Variants in ZNF511 observed in about 807,000 individuals in gnomAD.
ZNF511 encodes zinc finger protein 511.
Under a neutral mutation model 24.8 loss-of-function variants are expected in ZNF511, and 26 were observed. The ratio of observed to expected loss-of-function variants is 1.05; its 90% confidence interval spans 0.77 to 1.46. The LOEUF (loss-of-function observed/expected upper bound fraction) is 1.46. ZNF511 is among the 40% of genes most tolerant of loss of function. ZNF511 has a pLI of 0.00. For synonymous variants in ZNF511, 144 were observed against 139.6 expected, an observed-to-expected ratio of 1.03 and a Z score of -0.22; for missense variants, 358 against 345.0, an observed-to-expected ratio of 1.04 and a Z score of -0.30.
intron 4 of ZNF511, 67 bp downstream of exon 4, chr10:133,310,355 A>C: frequency 6.3e-7 from 1 of 1,598,474 alleles, no homozygotes; most frequent in East Asian, 2.2e-5. Context: ...AACTAGCCGG[A>C]ATGCATAGAC....
Position 133,309,846 on chromosome 10 carries a change from C to T in ZNF511, c.298C>T (p.His100Tyr), listed in dbSNP as rs368516549. The change falls in exon 3 of 6, where the codon CAC becomes TAC. Residue 100 changes from histidine to tyrosine, a missense_variant. Physicochemically the swap from His to Tyr is moderately conservative, Grantham distance 83. Coordinates refer to ENST00000361518, the MANE Select transcript of ZNF511 (RefSeq NM_145806.4). ...VFDALDDYEH[H>Y]YHTLHGNVCS... ...CGATGCCCTGGACGACTACGAGCAC[C>T]ACTACCACACGCTGCACGGAAATGT... is the stretch of plus-strand genomic sequence containing the variant. 6.2e-7 allele frequency: 1 copy of T among 1,613,658 alleles called. No homozygotes were observed. Among genetic ancestry groups the T allele is most frequent in the Non-Finnish European group, 8.5e-7 (1 of 1,180,026 alleles).
chr10:133,309,275 G>C (rs1847926919), intron 1 of ZNF511, 115 bp from the exon 2 acceptor site: 7 of 1,391,044 alleles, frequency 5.0e-6, no homozygotes, highest in South Asian at 1.4e-5. Flanking sequence ...GGGGCCTGAG[G>C]CTGTGGGGCG....
In ZNF511 at chr10:133,310,851, G is replaced by GA. The variant is rs139587303; in HGVS notation, c.554+564dup. Reference sequence around the variant, plus strand: ...GGGTCTTGCTCTGACACCCAGGCTGGAGTGTAGTGGTGTGATGTAGGTTCA... The same window carrying GA: ...GGGTCTTGCTCTGACACCCAGGCTGGAAGTGTAGTGGTGTGATGTAGGTTCA... On this transcript the variant is annotated intron_variant, in intron 4 of 5. Transcript: ENST00000361518. Among the ~76,000 whole-genome samples the GA allele has an allele frequency of 6.1e-3, 922 of 152,184 alleles. 10 individuals are homozygous for GA. The highest frequency in any genetic ancestry group is 0.021 in the African/African-American group (884 of 41,502).
Position 133,309,385 on chromosome 10 carries a change from T to G in ZNF511, c.154-5T>G. 1 of 1,610,822 alleles carries G rather than the reference T, an allele frequency of 6.2e-7. No homozygotes were observed. Among genetic ancestry groups the G allele is most frequent in the Non-Finnish European group, 8.5e-7 (1 of 1,179,214 alleles). Reference sequence around the variant, plus strand: ...GGCCCCGCCCACGGCGCACTTTTCCTGCAGGATGGGGACGTGCAGCGCCAC... The same window carrying G: ...GGCCCCGCCCACGGCGCACTTTTCCGGCAGGATGGGGACGTGCAGCGCCAC... On this transcript the variant is annotated splice_polypyrimidine_tract_variant and splice_region_variant and intron_variant, in intron 1 of 5. Transcript: ENST00000361518.
intron 4 of ZNF511, chr10:133,310,597 C>T (rs758340569): frequency 1.2e-4 from 47 of 390,454 alleles, no homozygotes; most frequent in South Asian, 2.5e-5. Flanking sequence ...ATGCCTGTAC[C>T]TCCTGCAGCA....
At position 133,310,177 on chromosome 10, in the gene ZNF511, T is replaced by C. The variant is rs369149265; in HGVS notation, c.443T>C (p.Val148Ala). The C allele has an allele frequency of 3.8e-5, 61 of 1,613,732 alleles. No individual in the cohort carries two copies. The highest frequency in any genetic ancestry group is 4.7e-5 in the Non-Finnish European group (56 of 1,180,010). ...TCTCCATTTCAGTATCAGTGCTTGG[T>C]AGAAGGCTGCACAGAGAAGTTCAAG... ...SERQDMYQCLVEGCTEKFKTS... is the reference protein window; with the variant it reads ...SERQDMYQCLAEGCTEKFKTS... Residue 148 changes from valine to alanine, a missense_variant, in exon 4 of 6, where the codon GTA (valine) becomes GCA (alanine). Val to Ala is a moderately conservative substitution (Grantham distance 64, BLOSUM62 0). Transcript: ENST00000361518.
Position 133,311,808 on chromosome 10 carries a change from C to T in ZNF511, c.647C>T (p.Ala216Val). ...TCTGAGCCTGTGGCAGCCTCCCCTG[C>T]ACCGGCAGGTGAGAGGCGGATCTAC... ...ICSEPVAASP[A>V]PAGERRIYRH... The change falls in exon 5 of 6, where the codon GCA (alanine) becomes GTA (valine). Residue 216 changes from alanine (A) to valine (V), a missense_variant. Ala to Val is a moderately conservative substitution (Grantham distance 64, BLOSUM62 0). Transcript: ENST00000361518. 1 of 1,613,364 alleles carries T rather than the reference C, an allele frequency of 6.2e-7. No homozygotes were observed. The highest frequency in any genetic ancestry group is 8.5e-7 in the Non-Finnish European group (1 of 1,180,044).
At chr10:133,311,285 T>G (rs1034033723) in intron 4 of ZNF511, among the ~76,000 whole-genome samples, 1 of 152,198 alleles carries the variant, frequency 6.6e-6, no homozygotes, top group African/African-American at 2.4e-5. Flanking sequence ...TACAAAGACT[T>G]ACGTGTAAAG....
Position 133,310,291 on chromosome 10 carries a change from A to G in ZNF511, c.554+3A>G. On this transcript the variant is annotated splice_donor_region_variant and intron_variant, in intron 4 of 5. Coordinates refer to ENST00000361518, the MANE Select transcript of ZNF511 (RefSeq NM_145806.4). ...GATAAGCCAAAGAAAAGCAGAAGGT[A>G]GGGAGCCGCCAGGCTCAGCACGTGT... 2 of 1,613,880 alleles carry G rather than the reference A, an allele frequency of 1.2e-6. No individual in the cohort carries two copies. The highest frequency in any genetic ancestry group is 1.7e-6 in the Non-Finnish European group (2 of 1,180,034).
chr10:133,309,217 AC>A (rs928360919), intron 1 of ZNF511, 121 bp downstream of exon 1: 103 of 1,300,954 alleles, frequency 7.9e-5, no homozygotes, highest in African/African-American at 6.7e-4. Context: ...GGAGCCTGGG[AC>A]AGGCGGGACC....
intron 2 of ZNF511, 59 bp from the exon 3 acceptor site, chr10:133,309,717 A>T: frequency 6.3e-7 from 1 of 1,591,556 alleles, no homozygotes. Context: ...ACTGTGCAGA[A>T]AGTCCAGCTT....
chr10:133,309,126 T>A, intron 1 of ZNF511, 30 bp downstream of exon 1: 1 of 1,360,100 alleles, frequency 7.4e-7, no homozygotes, highest in Non-Finnish European at 9.5e-7. Context: ...AAAAAGTAGT[T>A]GTAGGATCCA....
Position 133,312,908 on chromosome 10 carries a change from C to G in ZNF511, c.*42C>G. 6.2e-7 allele frequency: 1 copy of G among 1,613,378 alleles called. No individual in the cohort carries two copies. Among genetic ancestry groups the G allele is most frequent in the Non-Finnish European group, 8.5e-7 (1 of 1,179,828 alleles). On this transcript the variant is annotated 3_prime_UTR_variant, in exon 6 of 6. Transcript: ENST00000361518. Reference sequence around the variant, plus strand: ...GTGGGGGGCAGTCACCACTGCTGGGCGTGGCATCCGCCTTGGGCCTTTCTC... The same window carrying G: ...GTGGGGGGCAGTCACCACTGCTGGGGGTGGCATCCGCCTTGGGCCTTTCTC...
chr10:133,312,890 G>C lies in ZNF511; in HGVS notation c.*24G>C. On this transcript the variant is annotated 3_prime_UTR_variant, in exon 6 of 6. Coordinates refer to ENST00000361518, the MANE Select transcript of ZNF511 (RefSeq NM_145806.4). ...GATAGACTCAGAAAAGGAGTGGGGGGCAGTCACCACTGCTGGGCGTGGCAT... is the reference window on the plus strand; with the variant it reads ...GATAGACTCAGAAAAGGAGTGGGGGCCAGTCACCACTGCTGGGCGTGGCAT... The C allele has an allele frequency of 6.2e-7, 1 of 1,613,934 alleles. No homozygotes were observed.
At chr10:133,312,223 G>A in intron 5 of ZNF511, 1 of 1,383,120 alleles carries the variant, frequency 7.2e-7, no homozygotes, top group Middle Eastern at 2.7e-4. Flanking sequence ...AGCGTCACCT[G>A]TGCCGTCTGC....
intron 2 of ZNF511, 43 bp from the exon 3 acceptor site, chr10:133,309,733 C>G (rs1847943862): frequency 1.2e-6 from 2 of 1,608,100 alleles, no homozygotes; most frequent in South Asian, 2.2e-5. Flanking sequence ...AGCTTGGTTC[C>G]TCGCACCGGA....
At position 133,312,972 on chromosome 10, in the gene ZNF511, G is replaced by GCCATCCTCC; in HGVS notation, c.*114_*122dup. 6.3e-7 allele frequency: 1 copy of GCCATCCTCC among 1,576,892 alleles called. No homozygotes were observed. The highest frequency in any genetic ancestry group is 8.6e-7 in the Non-Finnish European group (1 of 1,163,086). ...TGGCCGCCCTGGGGGCCAGGCCCTC[G>GCCATCCTCC]CCATCCTCCCCATCCTTGTTCCTCA... On this transcript the variant is annotated 3_prime_UTR_variant, in exon 6 of 6. Transcript: ENST00000361518.
rs1010682265 is a variant in ZNF511, at chr10:133,310,551, G to C, written c.554+263G>C. On this transcript the variant is annotated intron_variant, in intron 4 of 5. Coordinates refer to ENST00000361518, the MANE Select transcript of ZNF511 (RefSeq NM_145806.4). The stretch of plus-strand genomic sequence containing the variant: ...CAGCAGAGGGGGTGTGGGAATGAGC[G>C]GGCGCAGCGCCTCCGCACTCACACC... 1.2e-5 allele frequency: 6 copies of C among 497,498 alleles called. No individual in the cohort carries two copies. In the Admixed American group the frequency reaches 2.0e-4, roughly 17 times the overall value. 30.8% of individuals were successfully genotyped at this position (497,498 alleles called of 1,614,324 possible).
intron 5 of ZNF511, 47 bp downstream of exon 5, chr10:133,311,888 G>C (rs1455379941): frequency 6.2e-7 from 1 of 1,613,224 alleles, no homozygotes; most frequent in Non-Finnish European, 8.5e-7. Flanking sequence ...CATGTGTTCG[G>C]TGCTGAGGAT....
Sources: allele counts gnomAD v4.1 joint callset (sites outside exome capture counted in the v4.1 genomes callset), GRCh38; gene constraint gnomAD v4.1.1; transcripts MANE v1.5; gene names NCBI Gene and HGNC (gene_info 2026-07-23, HGNC 2026-07-21).